Variants in ATF7 observed in about 807,000 individuals in gnomAD.
The protein encoded by ATF7 is cyclic AMP-dependent transcription factor ATF-7.
ATF7 carries 10 observed loss-of-function variants against 50.4 expected under a neutral mutation model. The ratio of observed to expected loss-of-function variants is 0.20; its 90% confidence interval spans 0.12 to 0.34. The LOEUF is 0.34. Ranked by LOEUF, ATF7 falls within the 10% of genes least tolerant of loss-of-function variation. The pLI, the probability that ATF7 is intolerant of heterozygous loss-of-function variation, is 1.00. For synonymous variants in ATF7, 201 were observed against 226.4 expected (o/e 0.89, Z 1.01); for missense variants, 465 against 613.9 (o/e 0.76, Z 2.56).
At chr12:53,563,342 G>A (rs556466495) in intron 2 of ATF7, among the ~76,000 whole-genome samples, 6 of 152,158 alleles carry the variant, frequency 3.9e-5, no homozygotes, top group East Asian at 1.9e-4. Context: ...ATGGGCAGGC[G>A]CAGTGGCTCA....
chr12:53,614,634 A>C (rs1280294087), intron 1 of ATF7, among the ~76,000 whole-genome samples: 1 of 152,202 alleles, frequency 6.6e-6, no homozygotes, highest in East Asian at 1.9e-4. Flanking sequence ...CTCAGGAAAA[A>C]ATATTTATTT....
At chr12:53,594,544 T>C (rs951494295) in intron 2 of ATF7, among the ~76,000 whole-genome samples, 8 of 152,198 alleles carry the variant, frequency 5.3e-5, no homozygotes, top group African/African-American at 1.9e-4. Flanking sequence ...AGATCTGACA[T>C]TAAGAAACTT....
chr12:53,594,670 C>T (rs1943079537), intron 2 of ATF7, among the ~76,000 whole-genome samples: 2 of 152,058 alleles, frequency 1.3e-5, no homozygotes, highest in Admixed American at 1.3e-4. Flanking sequence ...GGCGGATCAC[C>T]TGAGGTCAGG....
intron 2 of ATF7, among the ~76,000 whole-genome samples, chr12:53,556,868 C>A (rs1037889003): frequency 6.6e-6 from 1 of 152,162 alleles, no homozygotes; most frequent in African/African-American, 2.4e-5. Flanking sequence ...AAACTTCATT[C>A]ATAGGAAACC....
intron 1 of ATF7, among the ~76,000 whole-genome samples, chr12:53,619,052 C>CAA (rs776201927): frequency 4.0e-5 from 3 of 75,234 alleles, no homozygotes; most frequent in Admixed American, 1.5e-4. Flanking sequence ...ACTCTGTCTC[C>CAA]AAAAAAAAAA....
chr12:53,523,074 C>A, intron 11 of ATF7: 1 of 495,176 alleles, frequency 2.0e-6, no homozygotes, highest in Non-Finnish European at 3.6e-6. Flanking sequence ...CCTTCAACCC[C>A]CAACTATAAC....
intron 2 of ATF7, among the ~76,000 whole-genome samples, chr12:53,587,839 A>AT (rs1487043109): frequency 4.3e-4 from 27 of 62,986 alleles, no homozygotes; most frequent in East Asian, 2.2e-3. Context: ...ATATATATAT[A>AT]TATATTTTTT....
intron 1 of ATF7, among the ~76,000 whole-genome samples, chr12:53,617,037 C>T (rs2137918332): frequency 6.6e-6 from 1 of 151,232 alleles, no homozygotes; most frequent in African/African-American, 2.4e-5. Context: ...TTATTTCTTT[C>T]TTTGAGACAG....
At chr12:53,619,483 T>G in intron 1 of ATF7, among the ~76,000 whole-genome samples, 1 of 112,782 alleles carries the variant, frequency 8.9e-6, no homozygotes, top group Admixed American at 1.0e-4. Flanking sequence ...CGAGACTCCG[T>G]GTCAAAAAAA....
At chr12:53,567,856 C>A (rs1214625049) in intron 2 of ATF7, among the ~76,000 whole-genome samples, 1 of 152,166 alleles carries the variant, frequency 6.6e-6, no homozygotes, top group Non-Finnish European at 1.5e-5. Flanking sequence ...TATCACACAG[C>A]CCTATTAAGT....
chr12:53,568,415 TTC>T (rs539738712), intron 2 of ATF7, among the ~76,000 whole-genome samples: 4 of 151,248 alleles, frequency 2.6e-5, no homozygotes, highest in African/African-American at 9.8e-5. Flanking sequence ...CTCTCTCTCT[TTC>T]TCTCTCTCTC....
At chr12:53,588,656 C>T (rs1300926033) in intron 2 of ATF7, among the ~76,000 whole-genome samples, 1 of 152,176 alleles carries the variant, frequency 6.6e-6, no homozygotes, top group Admixed American at 6.5e-5. Flanking sequence ...GCCTAGAATG[C>T]ACAAAGATGA....
At position 53,609,821 on chromosome 12, in the gene ATF7, C is replaced by CTTTTTTTTTTTTTT. The variant is rs757421100; in HGVS notation, c.-21-8814_-21-8801dup. ...TAGCCTTATTGTTTTAAATGTTATG[C>CTTTTTTTTTTTTTT]TTTTTTTTTTTTTTAGACAGGGTCT... On this transcript the variant is annotated intron_variant, in intron 1 of 11. Transcript: ENST00000420353. Among the ~76,000 whole-genome samples, 137 of 115,906 alleles carry CTTTTTTTTTTTTTT rather than the reference C, an allele frequency of 1.2e-3. 9 individuals carry two copies. The highest frequency in any genetic ancestry group is 3.6e-3 in the African/African-American group (107 of 29,676). The allele number at this position is 115,906 out of a possible 152,430, so 76.0% of individuals were successfully genotyped here. A position where few individuals can be genotyped will look rare whatever the true frequency, so the allele number is the denominator to read the frequency against.
At chr12:53,561,096 C>T (rs529521789) in intron 2 of ATF7, among the ~76,000 whole-genome samples, 8 of 151,924 alleles carry the variant, frequency 5.3e-5, no homozygotes, top group South Asian at 4.2e-4. Context: ...CAGGTTCGCA[C>T]CACCATGGGC....
rs531152537 is a variant in ATF7, at chr12:53,576,256, C to T, written c.49-23619G>A. 2.0e-5 allele frequency among the ~76,000 whole-genome samples: 3 copies of T among 152,262 alleles called. No homozygotes were observed. The East Asian group carries it at 5.8e-4, about 29-fold the overall frequency. On this transcript the variant is annotated intron_variant, in intron 2 of 11. Coordinates refer to ENST00000420353, the MANE Select transcript of ATF7 (RefSeq NM_006856.3). Reference sequence around the variant, plus strand: ...GAGAAAAGAGGCACTGAGAGCCTCACCAACCTCCTTAGACGGCACAGCAGT... The same window carrying T: ...GAGAAAAGAGGCACTGAGAGCCTCATCAACCTCCTTAGACGGCACAGCAGT...
intron 2 of ATF7, among the ~76,000 whole-genome samples, chr12:53,555,919 G>T (rs567763937): frequency 6.6e-6 from 1 of 152,040 alleles, no homozygotes; most frequent in African/African-American, 2.4e-5. Flanking sequence ...GGGTTCAAGC[G>T]ATTCTCCTGT....
At chr12:53,554,331 A>T (rs12811226) in intron 2 of ATF7, among the ~76,000 whole-genome samples, 72,599 of 151,130 alleles carry the variant, frequency 0.48, 17,543 homozygotes, top group East Asian at 0.74. Flanking sequence ...GGGTTTCACC[A>T]TATTGGTCAG....
chr12:53,556,712 A>C (rs1244420731), intron 2 of ATF7, among the ~76,000 whole-genome samples: 11 of 152,232 alleles, frequency 7.2e-5, no homozygotes, highest in Admixed American at 6.5e-4. Flanking sequence ...TAGGATACTC[A>C]GTCCCAGTTG....
intron 1 of ATF7, among the ~76,000 whole-genome samples, chr12:53,619,946 G>A (rs1186188257): frequency 1.3e-5 from 2 of 152,048 alleles, no homozygotes; most frequent in East Asian, 3.9e-4. Flanking sequence ...AGCAGTTCGA[G>A]ACCAGCCTGG....
Sources: allele counts gnomAD v4.1 joint callset (sites outside exome capture counted in the v4.1 genomes callset), GRCh38; gene constraint gnomAD v4.1.1; transcripts MANE v1.5; gene names NCBI Gene and HGNC (gene_info 2026-07-23, HGNC 2026-07-21).